The following SLIT2 variants were observed in gnomAD, a reference collection of about 807,000 sequenced individuals.
The protein encoded by SLIT2 is slit guidance ligand 2, also known as slit homolog 2 protein.
Under a neutral mutation model 185.7 loss-of-function variants are expected in SLIT2, and 41 were observed. That is an observed-to-expected ratio of 0.22 (90% CI 0.17 to 0.29). SLIT2 has a LOEUF of 0.29. Ranked by LOEUF, SLIT2 falls within the 10% of genes least tolerant of loss-of-function variation. The pLI is 1.00. For synonymous variants in SLIT2, 693 were observed against 680.2 expected (o/e 1.02, Z -0.29); for missense variants, 1,571 against 1,909.0 (o/e 0.82, Z 3.30).
intron 4 of SLIT2, among the ~76,000 whole-genome samples, chr4:20,464,668 T>G (rs923819547): frequency 6.6e-6 from 1 of 152,162 alleles, no homozygotes; most frequent in African/African-American, 2.4e-5. Context: ...CGTTGTACCC[T>G]CTTAGGAAAC....
intron 4 of SLIT2, among the ~76,000 whole-genome samples, chr4:20,344,865 T>C (rs1403617690): frequency 1.3e-5 from 2 of 152,236 alleles, no homozygotes; most frequent in African/African-American, 2.4e-5. Context: ...ACTTTTCTTT[T>C]GTTTAAATAT....
intron 4 of SLIT2, among the ~76,000 whole-genome samples, chr4:20,299,372 G>A (rs1306655512): frequency 6.6e-6 from 1 of 152,158 alleles, no homozygotes; most frequent in Non-Finnish European, 1.5e-5. Context: ...TGTTTTTAGT[G>A]AAGAAATAGC....
At chr4:20,304,938 T>C (rs1256269663) in intron 4 of SLIT2, among the ~76,000 whole-genome samples, 1 of 152,206 alleles carries the variant, frequency 6.6e-6, no homozygotes, top group Non-Finnish European at 1.5e-5. Flanking sequence ...ATATGCAGGT[T>C]AATTACTTGG....
chr4:20,261,377 T>C (rs1712454459), intron 3 of SLIT2, among the ~76,000 whole-genome samples: 1 of 151,918 alleles, frequency 6.6e-6, no homozygotes, highest in Non-Finnish European at 1.5e-5. Flanking sequence ...GGAAGATACC[T>C]GTGTATATCT....
chr4:20,427,824 A>G (rs529150463), intron 4 of SLIT2, among the ~76,000 whole-genome samples: 1 of 152,288 alleles, frequency 6.6e-6, no homozygotes, highest in African/African-American at 2.4e-5. Flanking sequence ...ATAGAATGTT[A>G]TTGAAATTCA....
intron 11 of SLIT2, among the ~76,000 whole-genome samples, chr4:20,516,796 A>G (rs889561027): frequency 4.6e-4 from 70 of 152,182 alleles, no homozygotes; most frequent in African/African-American, 1.7e-3. Flanking sequence ...TACATTGAGT[A>G]TTTCTTTATT....
At chr4:20,440,133 A>G (rs998753940) in intron 4 of SLIT2, among the ~76,000 whole-genome samples, 2 of 152,188 alleles carry the variant, frequency 1.3e-5, no homozygotes, top group African/African-American at 2.4e-5. Context: ...TTTATATACC[A>G]TTAAATTTGA....
chr4:20,440,054 C>T (rs570137549), intron 4 of SLIT2, among the ~76,000 whole-genome samples: 1 of 152,202 alleles, frequency 6.6e-6, no homozygotes, highest in South Asian at 2.1e-4. Context: ...AGTGGGGTTG[C>T]CAGAAGTGCA....
At chr4:20,300,541 C>G (rs1016430600) in intron 4 of SLIT2, among the ~76,000 whole-genome samples, 3 of 151,968 alleles carry the variant, frequency 2.0e-5, no homozygotes, top group African/African-American at 7.2e-5. Flanking sequence ...TCTATATATC[C>G]TAAGATATAA....
intron 4 of SLIT2, among the ~76,000 whole-genome samples, chr4:20,291,902 C>CTGTG (rs1491290623): frequency 1.1e-5 from 1 of 91,832 alleles, no homozygotes; most frequent in Non-Finnish European, 2.1e-5. Flanking sequence ...TCCTGCACAC[C>CTGTG]TCTGTGTGTG....
At chr4:20,315,207 CA>C (rs1214646439) in intron 4 of SLIT2, among the ~76,000 whole-genome samples, 1 of 152,014 alleles carries the variant, frequency 6.6e-6, no homozygotes, top group Non-Finnish European at 1.5e-5. Flanking sequence ...CATTTCAAGA[CA>C]AAAGTACCAA....
At chr4:20,575,829 A>G (rs989451710) in intron 29 of SLIT2, among the ~76,000 whole-genome samples, 2 of 152,056 alleles carry the variant, frequency 1.3e-5, no homozygotes, top group African/African-American at 4.8e-5. Context: ...ATGCCTGTAC[A>G]ATTAATGAAT....
At chr4:20,354,208 G>GT (rs200060207) in intron 4 of SLIT2, among the ~76,000 whole-genome samples, 12 of 148,434 alleles carry the variant, frequency 8.1e-5, no homozygotes, top group African/African-American at 2.3e-4. Context: ...GGAAAGGTAG[G>GT]TTTTTTTTCT....
At chr4:20,499,680 G>C (rs1177844132) in intron 9 of SLIT2, among the ~76,000 whole-genome samples, 1 of 151,998 alleles carries the variant, frequency 6.6e-6, no homozygotes. Flanking sequence ...AGTAGAGATG[G>C]GGTTTCACTG....
intron 30 of SLIT2, among the ~76,000 whole-genome samples, chr4:20,594,205 ATG>A (rs1315988690): frequency 2.7e-5 from 4 of 149,256 alleles, no homozygotes; most frequent in East Asian, 2.0e-4. Flanking sequence ...ATATGTATGT[ATG>A]TGTGTATATA....
rs748741311 is a variant in SLIT2, at chr4:20,254,041, A to G, written c.179+47A>G. ...TCCCCTCTCCCCATCCGGGCCGCGC[A>G]CCCCTGCCTCCACTGGAGGAACCTG... On this transcript the variant is annotated intron_variant, in intron 1 of 36. Coordinates refer to ENST00000504154, the MANE Select transcript of SLIT2 (RefSeq NM_004787.4). The surrounding 1 kb of genome is among the most constrained non-coding windows in gnomAD (Gnocchi z 5.1). The G allele has an allele frequency of 6.4e-7, 1 of 1,560,750 alleles. No homozygotes were observed. Among genetic ancestry groups the G allele is most frequent in the African/African-American group, 1.4e-5 (1 of 73,800 alleles).
chr4:20,532,000 G>T lies in SLIT2; in HGVS notation c.1630G>T (p.Glu544Ter). 1 of 1,577,296 alleles carries T rather than the reference G, an allele frequency of 6.3e-7. No individual in the cohort carries two copies. The highest frequency in any genetic ancestry group is 2.0e-5 in the Admixed American group (1 of 50,160). The change falls in exon 17 of 37, where the codon GAA becomes TAA. Residue 544 changes from glutamate to a stop codon, truncating the protein, a stop_gained. Coordinates refer to ENST00000504154, the MANE Select transcript of SLIT2 (RefSeq NM_004787.4). LOFTEE classifies it high-confidence loss of function. ...TTTCTTCAGGCGTCTCAATAATAAT[G>T]AATTTACCGTGTTGGAAGCCACAGG... ...YTAELRLNNN[E>*]FTVLEATGIF...
chr4:20,382,495 T>C (rs1307769107), intron 4 of SLIT2, among the ~76,000 whole-genome samples: 2 of 152,148 alleles, frequency 1.3e-5, no homozygotes, highest in Non-Finnish European at 2.9e-5. Flanking sequence ...GCAAGATTAA[T>C]GTATAAAAAA....
At chr4:20,490,890 G>A (rs1213182300) in intron 8 of SLIT2, 15 of 1,194,140 alleles carry the variant, frequency 1.3e-5, no homozygotes, top group Non-Finnish European at 1.7e-5. Context: ...AGAATTAGCA[G>A]CTGGCTTGCA....
Sources: gnomAD v4.1 joint callset for allele counts (sites outside exome capture counted in the v4.1 genomes callset) on GRCh38, gnomAD v4.1.1 for gene constraint, Gnocchi (gnomAD v3.1) non-coding constraint, MANE v1.5 for transcripts, NCBI Gene and HGNC (gene_info 2026-07-23, HGNC 2026-07-21) for gene names.